Variants in SNRPA1 observed in about 807,000 individuals in gnomAD.
SNRPA1 encodes small nuclear ribonucleoprotein polypeptide A'.
A neutral mutation model predicts 32.3 loss-of-function variants in SNRPA1; 5 were observed. That is an observed-to-expected ratio of 0.15 (90% CI 0.08 to 0.33). The LOEUF is 0.33. Ranked by LOEUF, SNRPA1 falls within the 10% of genes least tolerant of loss-of-function variation. The pLI, the probability that SNRPA1 is intolerant of heterozygous loss-of-function variation, is 1.00. For missense variants in SNRPA1, 198 were observed against 311.1 expected (o/e 0.64, Z 2.74); for synonymous variants, 111 against 120.1 (o/e 0.92, Z 0.50).
In SNRPA1 at chr15:101,292,025, T is replaced by G; in HGVS notation, c.246A>C (p.Gly82=). The G allele has an allele frequency of 6.2e-7, 1 of 1,611,170 alleles. No homozygotes were observed. The highest frequency in any genetic ancestry group is 8.5e-7 in the Non-Finnish European group (1 of 1,177,422). Residue 82 remains glycine, a synonymous_variant, in exon 3 of 9, where the codon GGA becomes GGC. Transcript: ENST00000254193. ...TCAGACAGGGCAGAGCCTGATCAAG[T>G]CCCTCACCTATACGGCTAAAATAAA... The part of the protein sequence containing the change: ...NNNRICRIGE[G]LDQALPCLTE...
chr15:101,285,625 G>GA (rs2039446246), intron 7 of SNRPA1, 101 bp downstream of exon 7: 2 of 802,234 alleles, frequency 2.5e-6, no homozygotes, highest in Non-Finnish European at 4.2e-6. Context: ...ATAACTGTGG[G>GA]AAAATGAAAT....
In SNRPA1 at chr15:101,292,809, G is replaced by C. The variant is rs1011491751; in HGVS notation, c.230+216C>G. 7 of 339,626 alleles carry C rather than the reference G, an allele frequency of 2.1e-5. 1 individual carries two copies. The highest frequency in any genetic ancestry group is 4.2e-5 in the African/African-American group (2 of 47,264). The allele number at this position is 339,626 out of a possible 1,614,324, so 21.0% of individuals were successfully genotyped here. A position where few individuals can be genotyped will look rare whatever the true frequency, so the allele number is the denominator to read the frequency against. ...CCAGGTTAATCTCTGGATCTCTATAGGAAAAGTGAAGTTCATTTCTCATTT... is the reference window on the plus strand; with the variant it reads ...CCAGGTTAATCTCTGGATCTCTATACGAAAAGTGAAGTTCATTTCTCATTT... On this transcript the variant is annotated intron_variant, in intron 2 of 8. Transcript: ENST00000254193.
intron 3 of SNRPA1, among the ~76,000 whole-genome samples, chr15:101,291,748 C>CT (rs1329888068): frequency 6.6e-6 from 1 of 152,140 alleles, no homozygotes; most frequent in African/African-American, 2.4e-5. Context: ...TTAGGAACTT[C>CT]TCTAACAAGA....
At chr15:101,293,687 G>A (rs1053300105) in intron 1 of SNRPA1, among the ~76,000 whole-genome samples, 8 of 152,116 alleles carry the variant, frequency 5.3e-5, no homozygotes, top group Non-Finnish European at 1.2e-4. Flanking sequence ...CTCCAATTCA[G>A]AATTGAAGAT....
At chr15:101,289,632 G>T (rs2039496807) in intron 3 of SNRPA1, among the ~76,000 whole-genome samples, 1 of 152,076 alleles carries the variant, frequency 6.6e-6, no homozygotes, top group African/African-American at 2.4e-5. Flanking sequence ...AGACTGGATT[G>T]TAAAAAATTC....
In SNRPA1 at chr15:101,285,757, C is replaced by G. The variant is rs142009828; in HGVS notation, c.584G>C (p.Gly195Ala). Residue 195 changes from glycine to alanine, a missense_variant, in exon 7 of 9, where the codon GGG becomes GCG. Transcript: ENST00000254193. ...AGLPTDKKKG[G>A]PSPGDVEAIK... ...TGCTTCTACATCCCCTGGAGATGGCCCACCTTTCTTTTTGTCAGTTGGCAA... is the reference window on the plus strand; with the variant it reads ...TGCTTCTACATCCCCTGGAGATGGCGCACCTTTCTTTTTGTCAGTTGGCAA... The G allele has an allele frequency of 4.9e-5, 79 of 1,613,752 alleles. No individual in the cohort carries two copies. The African/African-American group carries it at 9.5e-4, about 19-fold the overall frequency.
chr15:101,294,901 G>T (rs2039570859), intron 1 of SNRPA1, 196 bp downstream of exon 1: 2 of 445,936 alleles, frequency 4.5e-6, no homozygotes, highest in Admixed American at 4.4e-5. Flanking sequence ...CTAACAGAAG[G>T]CTCCCAGGAG....
intron 1 of SNRPA1, 39 bp downstream of exon 1, chr15:101,295,058 T>A (rs1175839189): frequency 2.3e-6 from 3 of 1,318,698 alleles, no homozygotes; most frequent in Non-Finnish European, 3.0e-6. Flanking sequence ...GGCGGCTCGG[T>A]GCCGCCTGGG....
intron 8 of SNRPA1, 43 bp from the exon 9 acceptor site, chr15:101,281,825 A>G: frequency 6.3e-7 from 1 of 1,576,792 alleles, no homozygotes; most frequent in Non-Finnish European, 8.7e-7. Context: ...AATTTTAGAG[A>G]ATCCATTCCC....
At chr15:101,286,037 G>C in intron 6 of SNRPA1, 177 bp downstream of exon 6, 1 of 649,226 alleles carries the variant, frequency 1.5e-6, no homozygotes, top group Non-Finnish European at 2.7e-6. Flanking sequence ...CTGCTAAGCT[G>C]GTAGAAATTT....
intron 7 of SNRPA1, among the ~76,000 whole-genome samples, chr15:101,285,406 T>C (rs1187566525): frequency 6.6e-6 from 1 of 152,200 alleles, no homozygotes; most frequent in African/African-American, 2.4e-5. Flanking sequence ...TCAAAAGGAT[T>C]TGCCAGACAG....
chr15:101,287,801 T>G, intron 3 of SNRPA1, 99 bp from the exon 4 acceptor site: 1 of 1,045,038 alleles, frequency 9.6e-7, no homozygotes, highest in Non-Finnish European at 1.5e-6. Flanking sequence ...TTTTCATTAT[T>G]TACTGAATTT....
At chr15:101,286,382 C>A in intron 5 of SNRPA1, 89 bp from the exon 6 acceptor site, 1 of 1,142,382 alleles carries the variant, frequency 8.8e-7, no homozygotes, top group South Asian at 1.3e-5. Flanking sequence ...AGCGAACTCT[C>A]CTACAGTACT....
At chr15:101,284,741 A>G in intron 8 of SNRPA1, 1 of 375,032 alleles carries the variant, frequency 2.7e-6, no homozygotes, top group Non-Finnish European at 5.2e-6. Context: ...ACCTCAGGTG[A>G]TCCGCCCGCC....
At chr15:101,290,141 C>T (rs1326040097) in intron 3 of SNRPA1, among the ~76,000 whole-genome samples, 1 of 151,932 alleles carries the variant, frequency 6.6e-6, no homozygotes, top group Non-Finnish European at 1.5e-5. Flanking sequence ...TTCCGTTCAC[C>T]AGAAAGATAT....
At chr15:101,282,234 C>T (rs1183909350) in intron 8 of SNRPA1, among the ~76,000 whole-genome samples, 1 of 152,144 alleles carries the variant, frequency 6.6e-6, no homozygotes, top group Non-Finnish European at 1.5e-5. Flanking sequence ...TACATTTGTT[C>T]AACAATTTAT....
At chr15:101,292,398 A>T (rs1363300661) in intron 2 of SNRPA1, among the ~76,000 whole-genome samples, 2 of 152,188 alleles carry the variant, frequency 1.3e-5, no homozygotes, top group African/African-American at 4.8e-5. Flanking sequence ...CAACAACTAT[A>T]CTATAGGGGA....
At chr15:101,283,569 AC>A (rs1215317579) in intron 8 of SNRPA1, among the ~76,000 whole-genome samples, 1 of 151,998 alleles carries the variant, frequency 6.6e-6, no homozygotes, top group Non-Finnish European at 1.5e-5. Context: ...CCGTCTCAAA[AC>A]AACAACAACA....
chr15:101,290,282 G>A (rs2039508040), intron 3 of SNRPA1, among the ~76,000 whole-genome samples: 1 of 152,164 alleles, frequency 6.6e-6, no homozygotes, highest in Non-Finnish European at 1.5e-5. Context: ...CTCAATAACT[G>A]ATAAGCCCAG....
Sources: gnomAD v4.1 joint callset for allele counts (sites outside exome capture counted in the v4.1 genomes callset) on GRCh38, gnomAD v4.1.1 for gene constraint, MANE v1.5 for transcripts, NCBI Gene and HGNC (gene_info 2026-07-23, HGNC 2026-07-21) for gene names.